LAPTM5: variants seen among roughly 807,000 people sequenced by gnomAD.
LAPTM5 encodes lysosomal-associated transmembrane protein 5.
In LAPTM5, 11 loss-of-function variants were observed where a neutral mutation model predicts 30.1. The observed-to-expected ratio is 0.37, with a 90% CI of 0.23 to 0.60. The LOEUF is 0.60. Ranked by LOEUF, LAPTM5 falls within the 20% of genes least tolerant of loss-of-function variation. LAPTM5 has a pLI of 0.71. For synonymous variants in LAPTM5, 151 were observed against 137.9 expected (o/e 1.10, Z -0.67); for missense variants, 324 against 332.5 (o/e 0.97, Z 0.20).
At chr1:30,749,560 T>C (rs982173478) in intron 1 of LAPTM5, among the ~76,000 whole-genome samples, 3 of 152,130 alleles carry the variant, frequency 2.0e-5, no homozygotes, top group Admixed American at 1.3e-4. Flanking sequence ...ATCATGAAGA[T>C]GAATCAGGCT....
At chr1:30,738,732 C>T (rs557943844) in intron 5 of LAPTM5, among the ~76,000 whole-genome samples, 3 of 152,224 alleles carry the variant, frequency 2.0e-5, no homozygotes, top group Non-Finnish European at 4.4e-5. Context: ...CTTTGCTTGG[C>T]TTCCTCCTTT....
chr1:30,739,670 G>T lies in LAPTM5; in HGVS notation c.387+139C>A. 1.0e-6 allele frequency: 1 copy of T among 981,748 alleles called. No individual in the cohort carries two copies. The highest frequency in any genetic ancestry group is 1.4e-6 in the Non-Finnish European group (1 of 702,138). 60.8% of individuals were successfully genotyped at this position (981,748 alleles called of 1,614,324 possible). A position where few individuals can be genotyped will look rare whatever the true frequency, so the allele number is the denominator to read the frequency against. On this transcript the variant is annotated intron_variant, in intron 4 of 7. Transcript: ENST00000294507. This position sits in a 1 kb window ranked among gnomAD's most constrained non-coding sequence, Gnocchi z 4.2. ...TTGGGGCAATGTGGAGGGACTCAGAGACTGGGTCAAGACACCAGCCAGGAA... is the reference window on the plus strand; with the variant it reads ...TTGGGGCAATGTGGAGGGACTCAGATACTGGGTCAAGACACCAGCCAGGAA...
intron 2 of LAPTM5, 180 bp downstream of exon 2, chr1:30,742,276 G>T: frequency 1.7e-6 from 1 of 599,824 alleles, no homozygotes. Context: ...GTGGGGTCAG[G>T]TGGAACATCC....
At chr1:30,737,802 G>C (rs1639909806) in intron 5 of LAPTM5, 103 bp from the exon 6 acceptor site, 2 of 697,210 alleles carry the variant, frequency 2.9e-6, no homozygotes, top group Admixed American at 2.4e-5. Context: ...ACACACACGA[G>C]CACAGCGTGG....
rs1639936286 is a variant in LAPTM5, at chr1:30,739,453, AAAG to A, written c.387+353_387+355del. 6.6e-6 allele frequency among the ~76,000 whole-genome samples: 1 copy of A among 152,330 alleles called. No homozygotes were observed. Among genetic ancestry groups the A allele is most frequent in the South Asian group, 2.1e-4 (1 of 4,828 alleles). ...CTCTTCCTTTCTTCAACTTGGTTCC[AAAG>A]AAGAAATAATACTGGGGGCTGGGGG... is the stretch of plus-strand genomic sequence containing the variant. On this transcript the variant is annotated intron_variant, in intron 4 of 7. Transcript: ENST00000294507. This position sits in a 1 kb window ranked among gnomAD's most constrained non-coding sequence, Gnocchi z 4.2.
Position 30,746,998 on chromosome 1 carries a change from A to C in LAPTM5, c.88-4449T>G. On this transcript the variant is annotated intron_variant, in intron 1 of 7. Transcript: ENST00000294507. The surrounding 1 kb of genome is among the most constrained non-coding windows in gnomAD (Gnocchi z 4.0). The stretch of plus-strand genomic sequence containing the variant: ...CAAACTCTGTCTAGAAAAGCCACTG[A>C]CCCTGGCGTGCCGGTGTCACAGTCT... Among the ~76,000 whole-genome samples the C allele has an allele frequency of 6.6e-6, 1 of 151,878 alleles. No homozygotes were observed. Among genetic ancestry groups the C allele is most frequent in the East Asian group, 1.9e-4 (1 of 5,196 alleles).
chr1:30,738,905 C>G lies in LAPTM5; in HGVS notation c.510+35G>C, dbSNP rs972003951. On this transcript the variant is annotated intron_variant, in intron 5 of 7. Transcript: ENST00000294507. ...AGTAACCTGTTCAAGGCCACACAGC[C>G]AGCAAATGGGCATGGTTCCCTGCCC... The G allele has an allele frequency of 1.9e-6, 3 of 1,577,390 alleles. No homozygotes were observed. In the African/African-American group the frequency reaches 4.0e-5, roughly 21 times the overall value.
At position 30,733,593 on chromosome 1, in the gene LAPTM5, T is replaced by A. The variant is rs1025576550; in HGVS notation, c.*235A>T. On this transcript the variant is annotated 3_prime_UTR_variant, in exon 8 of 8. Coordinates refer to ENST00000294507, the MANE Select transcript of LAPTM5 (RefSeq NM_006762.3). Reference sequence around the variant, plus strand: ...GAGCTGATTGAAATAAACCAAGCATTGTTGGGCTGAATTATGGAGAGACCC... The same window carrying A: ...GAGCTGATTGAAATAAACCAAGCATAGTTGGGCTGAATTATGGAGAGACCC... 1 of 1,524,334 alleles carries A rather than the reference T, an allele frequency of 6.6e-7. No individual in the cohort carries two copies. The highest frequency in any genetic ancestry group is 8.8e-7 in the Non-Finnish European group (1 of 1,139,942). The allele number at this position is 1,524,334 out of a possible 1,614,324, so 94.4% of individuals were successfully genotyped here. A position where few individuals can be genotyped will look rare whatever the true frequency, so the allele number is the denominator to read the frequency against.
chr1:30,755,558 A>T (rs1640197681), intron 1 of LAPTM5, among the ~76,000 whole-genome samples: 1 of 152,066 alleles, frequency 6.6e-6, no homozygotes, highest in Non-Finnish European at 1.5e-5. Context: ...ACCACCTCCA[A>T]GAAGTCTTCC....
intron 7 of LAPTM5, among the ~76,000 whole-genome samples, chr1:30,734,918 G>A (rs1025803275): frequency 1.3e-5 from 2 of 152,254 alleles, no homozygotes; most frequent in Non-Finnish European, 2.9e-5. Flanking sequence ...TAAGGCAGAG[G>A]TGGCATCTTA....
At chr1:30,742,672 C>T in intron 1 of LAPTM5, 123 bp from the exon 2 acceptor site, 1 of 728,416 alleles carries the variant, frequency 1.4e-6, no homozygotes, top group South Asian at 1.6e-5. Flanking sequence ...GATGGCATGC[C>T]AGGTCAGTAG....
At chr1:30,754,303 A>T (rs1640179528) in intron 1 of LAPTM5, among the ~76,000 whole-genome samples, 1 of 152,188 alleles carries the variant, frequency 6.6e-6, no homozygotes, top group Non-Finnish European at 1.5e-5. Flanking sequence ...AGGCCAAGGC[A>T]GGAGAATCAC....
At chr1:30,749,637 C>A (rs764679300) in intron 1 of LAPTM5, among the ~76,000 whole-genome samples, 1 of 152,166 alleles carries the variant, frequency 6.6e-6, no homozygotes, top group Non-Finnish European at 1.5e-5. Flanking sequence ...ACACAGGGCT[C>A]TGGGTCAACA....
intron 1 of LAPTM5, among the ~76,000 whole-genome samples, chr1:30,755,616 T>A (rs992323964): frequency 6.6e-6 from 1 of 152,166 alleles, no homozygotes; most frequent in African/African-American, 2.4e-5. Flanking sequence ...GCAGGGACCG[T>A]ATATCACACC....
At chr1:30,757,574 T>A in intron 1 of LAPTM5, 85 bp downstream of exon 1, 1 of 1,385,246 alleles carries the variant, frequency 7.2e-7, no homozygotes, top group Non-Finnish European at 1.0e-6. Flanking sequence ...CTTTCATTTG[T>A]GGGGCTCCGT....
At chr1:30,743,618 C>T (rs74897727) in intron 1 of LAPTM5, among the ~76,000 whole-genome samples, 1 of 152,086 alleles carries the variant, frequency 6.6e-6, no homozygotes, top group Non-Finnish European at 1.5e-5. Context: ...CTCCAGGTAA[C>T]CTCTGCCCAT....
intron 1 of LAPTM5, among the ~76,000 whole-genome samples, chr1:30,749,121 C>G (rs1640091535): frequency 6.6e-6 from 1 of 152,190 alleles, no homozygotes; most frequent in Admixed American, 6.5e-5. Context: ...GGAAAACAGG[C>G]AAATGCATTG....
rs1238279829 is a variant in LAPTM5, at chr1:30,733,564, G to A, written c.*264C>T. 2.0e-6 allele frequency: 3 copies of A among 1,503,524 alleles called. No homozygotes were observed. In the African/African-American group the frequency reaches 4.1e-5, roughly 21 times the overall value. 93.1% of individuals were successfully genotyped at this position (1,503,524 alleles called of 1,614,324 possible). Reference sequence around the variant, plus strand: ...AGAATGGCCAATCGTCTAAACAAGTGTCAGAGCTGATTGAAATAAACCAAG... The same window carrying A: ...AGAATGGCCAATCGTCTAAACAAGTATCAGAGCTGATTGAAATAAACCAAG... On this transcript the variant is annotated 3_prime_UTR_variant, in exon 8 of 8. Transcript: ENST00000294507.
rs776388748 is a variant in LAPTM5, at chr1:30,739,140, C to T, written c.388-78G>A. The T allele has an allele frequency of 9.9e-6, 15 of 1,517,128 alleles. No individual in the cohort carries two copies. The highest frequency in any genetic ancestry group is 1.3e-5 in the Non-Finnish European group (15 of 1,124,008). The allele number at this position is 1,517,128 out of a possible 1,614,324, so 94.0% of individuals were successfully genotyped here. A position where few individuals can be genotyped will look rare whatever the true frequency, so the allele number is the denominator to read the frequency against. ...AGTTACTGAGCGGCACATAGTAGGC[C>T]CTCACTTGAGAGACCGTCTCAGCTA... On this transcript the variant is annotated intron_variant, in intron 4 of 7. Coordinates refer to ENST00000294507, the MANE Select transcript of LAPTM5 (RefSeq NM_006762.3). The surrounding 1 kb of genome is among the most constrained non-coding windows in gnomAD (Gnocchi z 4.2).
Sources: gnomAD v4.1 joint callset for allele counts (sites outside exome capture counted in the v4.1 genomes callset) on GRCh38, gnomAD v4.1.1 for gene constraint, Gnocchi (gnomAD v3.1) non-coding constraint, MANE v1.5 for transcripts, NCBI Gene and HGNC (gene_info 2026-07-23, HGNC 2026-07-21) for gene names.